The following CSTPP1 variants were observed in gnomAD, a reference collection of about 807,000 sequenced individuals.
CSTPP1 encodes UPF0705 protein C11orf49.
At chr11:47,010,369 C>G in the CSTPP1 span, among the ~76,000 whole-genome samples, 1 of 152,100 alleles carries the variant, frequency 6.6e-6, no homozygotes, top group Non-Finnish European at 1.5e-5. Context: ...TGTTCTTGGC[C>G]GAAGCAACGG....
the CSTPP1 span, among the ~76,000 whole-genome samples, chr11:47,101,319 C>A: frequency 6.6e-6 from 1 of 151,334 alleles, no homozygotes; most frequent in Non-Finnish European, 1.5e-5. Flanking sequence ...TTGAGAGAAT[C>A]AAAAGAGCCT....
chr11:47,074,746 T>C, the CSTPP1 span, among the ~76,000 whole-genome samples: 4 of 152,212 alleles, frequency 2.6e-5, no homozygotes, highest in Non-Finnish European at 5.9e-5. Flanking sequence ...TATTTGAAAT[T>C]TTAAGTACAA....
At chr11:47,128,886 C>G in the CSTPP1 span, among the ~76,000 whole-genome samples, 65 of 152,150 alleles carry the variant, frequency 4.3e-4, no homozygotes, top group Non-Finnish European at 8.4e-4. Context: ...CTTTTGCCCC[C>G]CTAAAACAAC....
the CSTPP1 span, among the ~76,000 whole-genome samples, chr11:47,060,445 C>G: frequency 6.6e-6 from 1 of 151,572 alleles, no homozygotes; most frequent in Non-Finnish European, 1.5e-5. Context: ...ACCATGTTGC[C>G]TAGGCTGGTC....
chr11:47,040,170 A>C, the CSTPP1 span, among the ~76,000 whole-genome samples: 2 of 128,502 alleles, frequency 1.6e-5, 1 homozygote, highest in Non-Finnish European at 3.7e-5. Flanking sequence ...AGAGGAACTC[A>C]GCATCACCTT....
At chr11:47,072,306 C>T in the CSTPP1 span, among the ~76,000 whole-genome samples, 1 of 152,184 alleles carries the variant, frequency 6.6e-6, no homozygotes, top group Non-Finnish European at 1.5e-5. Context: ...CCAGAAGGAA[C>T]TTAGTAGGTT....
At chr11:46,972,422 G>A in the CSTPP1 span, among the ~76,000 whole-genome samples, 1 of 152,170 alleles carries the variant, frequency 6.6e-6, no homozygotes, top group Non-Finnish European at 1.5e-5. Context: ...GTGCCTGTCT[G>A]TGGGATGGCA....
chr11:47,143,406 C>A, the CSTPP1 span, among the ~76,000 whole-genome samples: 3 of 152,174 alleles, frequency 2.0e-5, no homozygotes, highest in African/African-American at 7.2e-5. Flanking sequence ...GGACAGGCTG[C>A]AGAAGCAGGC....
the CSTPP1 span, among the ~76,000 whole-genome samples, chr11:46,999,726 C>A: frequency 6.6e-6 from 1 of 152,200 alleles, no homozygotes; most frequent in East Asian, 1.9e-4. Flanking sequence ...TTCCATCTTA[C>A]AGTTTCGAGT....
chr11:47,146,537 T>A, the CSTPP1 span, among the ~76,000 whole-genome samples: 1 of 152,190 alleles, frequency 6.6e-6, no homozygotes, highest in Non-Finnish European at 1.5e-5. Flanking sequence ...AACTCCCAAC[T>A]AAATTGAGAT....
chr11:47,051,691 C>CTT, the CSTPP1 span, among the ~76,000 whole-genome samples: 36 of 133,012 alleles, frequency 2.7e-4, no homozygotes, highest in Non-Finnish European at 3.3e-4. Flanking sequence ...TATCTTTTTT[C>CTT]TTTTTTTTTT....
At chr11:47,134,596 G>A in the CSTPP1 span, among the ~76,000 whole-genome samples, 1 of 152,162 alleles carries the variant, frequency 6.6e-6, no homozygotes, top group African/African-American at 2.4e-5. Flanking sequence ...TGAGATCTTG[G>A]ACAGTTCTAA....
the CSTPP1 span, chr11:46,987,563 T>C: frequency 2.7e-6 from 1 of 375,604 alleles, no homozygotes; most frequent in South Asian, 6.5e-5. Flanking sequence ...CTATTAGATC[T>C]ATTTCTGTAG....
chr11:46,958,415 A>G, the CSTPP1 span, among the ~76,000 whole-genome samples: 11 of 152,182 alleles, frequency 7.2e-5, no homozygotes, highest in Non-Finnish European at 1.2e-4. Context: ...TAACGCTGTC[A>G]GTCAAATATT....
the CSTPP1 span, among the ~76,000 whole-genome samples, chr11:46,991,824 T>C: frequency 6.6e-6 from 1 of 152,154 alleles, no homozygotes; most frequent in Non-Finnish European, 1.5e-5. Context: ...CACTGCAACC[T>C]CCGTCTCCCG....
the CSTPP1 span, among the ~76,000 whole-genome samples, chr11:46,939,675 G>GATA: frequency 0.18 from 13,995 of 79,606 alleles, 915 homozygotes; most frequent in Non-Finnish European, 0.28. Context: ...TAGATAGATA[G>GATA]GTAGATGTTT....
the CSTPP1 span, among the ~76,000 whole-genome samples, chr11:47,006,618 T>C: frequency 0.041 from 6,286 of 151,820 alleles, 171 homozygotes; most frequent in Non-Finnish European, 0.064. Flanking sequence ...AGGATCTCTG[T>C]CTGTCACCCA....
chr11:46,963,209 G>T, the CSTPP1 span, among the ~76,000 whole-genome samples: 1 of 152,062 alleles, frequency 6.6e-6, no homozygotes, highest in African/African-American at 2.4e-5. Flanking sequence ...TAGGAGGAAA[G>T]CACATTTTGT....
chr11:47,027,501 C>A, the CSTPP1 span, among the ~76,000 whole-genome samples: 2 of 152,152 alleles, frequency 1.3e-5, no homozygotes, highest in Non-Finnish European at 2.9e-5. Flanking sequence ...TGCTCTATTT[C>A]ACGGCTATTT....
Sources: allele counts gnomAD v4.1 joint callset (sites outside exome capture counted in the v4.1 genomes callset), GRCh38; gene constraint gnomAD v4.1.1; transcripts MANE v1.5; gene names NCBI Gene and HGNC (gene_info 2026-07-23, HGNC 2026-07-21).